Variants in NLGN1 observed in about 807,000 individuals in gnomAD.
NLGN1 encodes the protein neuroligin 1, also known as neuroligin-1.
In NLGN1, 12 loss-of-function variants were observed where a neutral mutation model predicts 65.5. The observed-to-expected ratio is 0.18, with a 90% confidence interval of 0.12 to 0.30. The LOEUF (loss-of-function observed/expected upper bound fraction) is 0.30. Among genes scored for constraint, NLGN1 ranks in the 10% least tolerant of loss-of-function variants. The probability of loss-of-function intolerance (pLI) is 1.00; values close to 1 mark genes in which losing one functional copy is unlikely to be tolerated. For missense variants in NLGN1, 750 were observed against 1,007.1 expected, an observed-to-expected ratio of 0.74 and a Z score of 3.46; for synonymous variants, 350 against 359.5, an observed-to-expected ratio of 0.97 and a Z score of 0.30.
intron 4 of NLGN1, among the ~76,000 whole-genome samples, chr3:173,992,099 G>C (rs992557573): frequency 2.6e-5 from 4 of 151,802 alleles, no homozygotes; most frequent in Non-Finnish European, 4.4e-5. Context: ...AAGGAGAATT[G>C]GTTTTACGTG....
chr3:174,147,419 C>CTTTTTTTTTTT (rs574298501), intron 4 of NLGN1, among the ~76,000 whole-genome samples: 9 of 36,260 alleles, frequency 2.5e-4, no homozygotes, highest in East Asian at 6.9e-4. Context: ...TGGCTCATGG[C>CTTTTTTTTTTT]TTTTTTTTTT....
chr3:173,655,450 A>G (rs1218616733), intron 3 of NLGN1, among the ~76,000 whole-genome samples: 1 of 152,148 alleles, frequency 6.6e-6, no homozygotes, highest in Non-Finnish European at 1.5e-5. Flanking sequence ...TGGTTATAAC[A>G]AATGAATTTT....
At chr3:173,639,306 C>T (rs544155462) in intron 3 of NLGN1, among the ~76,000 whole-genome samples, 2 of 152,104 alleles carry the variant, frequency 1.3e-5, no homozygotes, top group Non-Finnish European at 2.9e-5. Context: ...CTTGGAGGTT[C>T]AACGAGACAG....
intron 4 of NLGN1, among the ~76,000 whole-genome samples, chr3:174,151,651 G>T (rs1331580095): frequency 6.6e-6 from 1 of 152,124 alleles, no homozygotes; most frequent in East Asian, 1.9e-4. Context: ...TGCACAGCTT[G>T]ATACAGATTT....
intron 2 of NLGN1, among the ~76,000 whole-genome samples, chr3:173,481,578 T>C (rs1250239168): frequency 6.6e-6 from 1 of 151,968 alleles, no homozygotes; most frequent in African/African-American, 2.4e-5. Flanking sequence ...TATTTTCATA[T>C]GAATGTATCA....
At chr3:174,049,549 G>C (rs909362664) in intron 4 of NLGN1, among the ~76,000 whole-genome samples, 3 of 152,068 alleles carry the variant, frequency 2.0e-5, no homozygotes, top group Non-Finnish European at 4.4e-5. Context: ...CTGAATGTCA[G>C]TGTGTAACTA....
intron 4 of NLGN1, among the ~76,000 whole-genome samples, chr3:174,153,333 C>T (rs1237298738): frequency 1.3e-5 from 2 of 152,044 alleles, no homozygotes; most frequent in Admixed American, 6.6e-5. Flanking sequence ...CAATGTTAAA[C>T]TCAATTTTCC....
intron 4 of NLGN1, among the ~76,000 whole-genome samples, chr3:173,947,714 A>G (rs1017861546): frequency 4.6e-5 from 7 of 152,218 alleles, no homozygotes; most frequent in African/African-American, 1.7e-4. Flanking sequence ...GCTTAATAAA[A>G]TTAAAGATAA....
At chr3:174,122,991 T>C (rs778572726) in intron 4 of NLGN1, among the ~76,000 whole-genome samples, 1 of 152,126 alleles carries the variant, frequency 6.6e-6, no homozygotes, top group Non-Finnish European at 1.5e-5. Context: ...ATAGCAAGCA[T>C]ATGTGCAAAT....
In NLGN1 at chr3:173,498,208, C is replaced by G. The variant is rs561437668; in HGVS notation, c.-321+63130C>G. ...TCCTAATGCTATCCCTCCCCACTCC[C>G]CCCACCCCACAACAGTCCCCGGTGT... is the stretch of plus-strand genomic sequence containing the variant. On this transcript the variant is annotated intron_variant, in intron 2 of 6. Coordinates refer to ENST00000457714, the Ensembl canonical transcript of NLGN1. Among the ~76,000 whole-genome samples the G allele has an allele frequency of 9.2e-4, 139 of 151,728 alleles. 3 individuals are homozygous for G. The highest frequency in any genetic ancestry group is 3.2e-3 in the African/African-American group (133 of 41,090).
intron 2 of NLGN1, among the ~76,000 whole-genome samples, chr3:173,510,837 A>G (rs1732827953): frequency 6.6e-6 from 1 of 152,214 alleles, no homozygotes; most frequent in South Asian, 2.1e-4. Context: ...CTGTCTGGAA[A>G]TGAATGTGGA....
At chr3:174,210,446 CAG>C (rs1346627979) in intron 4 of NLGN1, among the ~76,000 whole-genome samples, 2 of 152,054 alleles carry the variant, frequency 1.3e-5, no homozygotes, top group East Asian at 3.9e-4. Context: ...TATAGTAGGC[CAG>C]ATTAATGGAG....
intron 2 of NLGN1, among the ~76,000 whole-genome samples, chr3:173,520,894 T>C (rs1420646689): frequency 6.6e-6 from 1 of 152,210 alleles, no homozygotes; most frequent in African/African-American, 2.4e-5. Context: ...ATCTCATTTT[T>C]GTGGCCACCT....
intron 2 of NLGN1, among the ~76,000 whole-genome samples, chr3:173,597,734 A>C (rs1393952490): frequency 6.6e-6 from 1 of 151,798 alleles, no homozygotes. Flanking sequence ...ACCAGATTGC[A>C]AAACATACAC....
chr3:174,194,197 A>T (rs1732925323), intron 4 of NLGN1, among the ~76,000 whole-genome samples: 1 of 152,092 alleles, frequency 6.6e-6, no homozygotes. Context: ...GGTGGCTCAC[A>T]CCTGTAATCC....
chr3:173,789,311 A>G (rs80237449), intron 3 of NLGN1, among the ~76,000 whole-genome samples: 14,987 of 152,198 alleles, frequency 0.098, 810 homozygotes, highest in African/African-American at 0.14. Context: ...TCCTGAAAAT[A>G]ATACAAATAC....
intron 4 of NLGN1, among the ~76,000 whole-genome samples, chr3:174,049,881 A>G (rs1006286259): frequency 2.6e-5 from 4 of 152,060 alleles, no homozygotes; most frequent in African/African-American, 4.8e-5. Context: ...AGCTAAAGAC[A>G]TTGATAGAAG....
the NLGN1 span, among the ~76,000 whole-genome samples, chr3:174,293,793 T>A: frequency 6.6e-6 from 1 of 151,640 alleles, no homozygotes; most frequent in Non-Finnish European, 1.5e-5. Flanking sequence ...ACAATAAAAT[T>A]AAAACTGACG....
chr3:173,689,834 A>T (rs761767300), intron 3 of NLGN1, among the ~76,000 whole-genome samples: 2 of 152,182 alleles, frequency 1.3e-5, no homozygotes, highest in Non-Finnish European at 1.5e-5. Context: ...TTCAAAATAA[A>T]CTAGAAATAG....
Sources: gnomAD v4.1 joint callset for allele counts (sites outside exome capture counted in the v4.1 genomes callset) on GRCh38, gnomAD v4.1.1 for gene constraint, MANE v1.5 for transcripts, NCBI Gene and HGNC (gene_info 2026-07-23, HGNC 2026-07-21) for gene names.